The following CTSB variants were observed in gnomAD, a reference collection of about 807,000 sequenced individuals.
CTSB encodes the protein cathepsin B, also known as APP secretase.
In CTSB, 57 loss-of-function variants were observed where a neutral mutation model predicts 44.3. The observed-to-expected ratio is 1.29, with a 90% CI of 1.04 to 1.60. The LOEUF is 1.60. CTSB is among the 40% of genes most tolerant of loss of function. CTSB has a pLI of 0.00. For synonymous variants in CTSB, 320 were observed against 168.0 expected, an observed-to-expected ratio of 1.91 and a Z score of -7.00; for missense variants, 768 against 443.0, an observed-to-expected ratio of 1.73 and a Z score of -6.59.
At chr8:11,845,451 A>T (rs1813109381) in intron 9 of CTSB, among the ~76,000 whole-genome samples, 1 of 152,116 alleles carries the variant, frequency 6.6e-6, no homozygotes, top group Admixed American at 6.5e-5. Context: ...TGCTGTGGGA[A>T]CTGTTGCAGG....
At chr8:11,863,638 C>A (rs994688804) in intron 1 of CTSB, among the ~76,000 whole-genome samples, 1 of 152,132 alleles carries the variant, frequency 6.6e-6, no homozygotes, top group African/African-American at 2.4e-5. Flanking sequence ...ACATGCTTAG[C>A]GTTCTAATAA....
At chr8:11,865,114 A>G (rs1003033131) in intron 1 of CTSB, among the ~76,000 whole-genome samples, 2 of 152,282 alleles carry the variant, frequency 1.3e-5, no homozygotes, top group African/African-American at 4.8e-5. Context: ...GAGGCACAGC[A>G]CATCTGTACA....
intron 9 of CTSB, 116 bp from the exon 10 acceptor site, chr8:11,845,338 C>G (rs1220567575): frequency 2.6e-6 from 2 of 783,416 alleles, no homozygotes; most frequent in Admixed American, 4.2e-5. Context: ...TGTTGGCCCA[C>G]TAGCACAGTC....
At chr8:11,845,835 C>G (rs754971757) in intron 8 of CTSB, 46 bp from the exon 9 acceptor site, 2 of 1,563,598 alleles carry the variant, frequency 1.3e-6, no homozygotes, top group South Asian at 1.2e-5. Context: ...GCCACTGTCC[C>G]ACGCCCCACA....
At chr8:11,858,202 C>T (rs1489963337) in intron 1 of CTSB, among the ~76,000 whole-genome samples, 1 of 152,232 alleles carries the variant, frequency 6.6e-6, no homozygotes, top group Non-Finnish European at 1.5e-5. Flanking sequence ...CTGTTCCCTC[C>T]CTCTCTCCTC....
chr8:11,852,590 G>A lies in CTSB; in HGVS notation c.212+20C>T, dbSNP rs776466902. On this transcript the variant is annotated intron_variant, in intron 3 of 9. Coordinates refer to ENST00000353047, the MANE Select transcript of CTSB (RefSeq NM_001908.5). ...CGCCTGCCACTCACATTACAGCGGTGCAGAGGAGCAGGCACTCACCTCTGG... is the reference window on the plus strand; with the variant it reads ...CGCCTGCCACTCACATTACAGCGGTACAGAGGAGCAGGCACTCACCTCTGG... 4 of 1,593,738 alleles carry A rather than the reference G, an allele frequency of 2.5e-6. No homozygotes were observed. Among genetic ancestry groups the A allele is most frequent in the Middle Eastern group, 1.7e-4 (1 of 6,024 alleles).
At chr8:11,846,963 C>G (rs968580391) in intron 8 of CTSB, 89 bp downstream of exon 8, 8 of 749,282 alleles carry the variant, frequency 1.1e-5, no homozygotes, top group East Asian at 1.1e-4. Flanking sequence ...CCTGCCCAAT[C>G]CAGCCCTATT....
rs752849874 is a variant in CTSB, at chr8:11,845,151, T to C, written c.994A>G (p.Thr332Ala). The change falls in exon 10 of 10, where the codon ACC becomes GCC. Residue 332 changes from threonine to alanine, a missense_variant. Coordinates refer to ENST00000353047, the MANE Select transcript of CTSB (RefSeq NM_001908.5). ...ESEVVAGIPR[T>A]DQYWEKI The stretch of plus-strand genomic sequence containing the variant: ...TAGATCTTTTCCCAGTACTGATCGG[T>C]GCGTGGAATTCCAGCCACCACTTCT... The C allele has an allele frequency of 1.9e-5, 31 of 1,613,692 alleles. No homozygotes were observed. The highest frequency in any genetic ancestry group is 3.3e-5 in the South Asian group (3 of 91,078).
intron 1 of CTSB, among the ~76,000 whole-genome samples, chr8:11,859,651 C>G (rs956400844): frequency 1.4e-4 from 21 of 151,412 alleles, no homozygotes; most frequent in Middle Eastern, 3.4e-3. Flanking sequence ...GCCTGTAATC[C>G]CACCTACTTG....
intron 3 of CTSB, 97 bp downstream of exon 3, chr8:11,852,513 T>C: frequency 1.1e-6 from 1 of 875,480 alleles, no homozygotes; most frequent in Non-Finnish European, 1.8e-6. Context: ...GCATGAGCCC[T>C]GCGGACGCCA....
At chr8:11,856,842 C>A (rs1458510917) in intron 1 of CTSB, among the ~76,000 whole-genome samples, 1 of 136,442 alleles carries the variant, frequency 7.3e-6, no homozygotes, top group African/African-American at 2.7e-5. Flanking sequence ...TCACAACATA[C>A]CCTTACTTTT....
chr8:11,856,864 AAAAGT>A (rs1426622971), intron 1 of CTSB, among the ~76,000 whole-genome samples: 4 of 152,160 alleles, frequency 2.6e-5, no homozygotes, highest in Admixed American at 6.6e-5. Flanking sequence ...AGAAAAAAAA[AAAAGT>A]GAGTATGTTC....
At chr8:11,853,222 G>C (rs1331616872) in intron 2 of CTSB, 107 bp downstream of exon 2, 1 of 1,485,182 alleles carries the variant, frequency 6.7e-7, no homozygotes, top group African/African-American at 1.4e-5. Flanking sequence ...AACAGTCCAG[G>C]ACAATGTTCT....
At chr8:11,853,595 C>G (rs928271124) in intron 1 of CTSB, 116 bp from the exon 2 acceptor site, 1 of 1,059,360 alleles carries the variant, frequency 9.4e-7, no homozygotes, top group African/African-American at 1.7e-5. Context: ...CTGGCCCAGG[C>G]GGAGAACTCT....
At chr8:11,855,757 C>T (rs1011943069) in intron 1 of CTSB, among the ~76,000 whole-genome samples, 4 of 152,174 alleles carry the variant, frequency 2.6e-5, no homozygotes, top group African/African-American at 7.2e-5. Context: ...GTGGCTCAAG[C>T]TTGTAATCTC....
At chr8:11,853,244 T>G in intron 2 of CTSB, 85 bp downstream of exon 2, 3 of 1,550,566 alleles carry the variant, frequency 1.9e-6, no homozygotes, top group Non-Finnish European at 2.6e-6. Flanking sequence ...TGGGCCACAG[T>G]GAGGGCTGGC....
At chr8:11,863,275 A>C (rs892154009) in intron 1 of CTSB, among the ~76,000 whole-genome samples, 3 of 152,192 alleles carry the variant, frequency 2.0e-5, no homozygotes, top group African/African-American at 7.2e-5. Flanking sequence ...CCCGACAAAC[A>C]TAGTGACATC....
At chr8:11,859,958 G>A (rs1212873005) in intron 1 of CTSB, among the ~76,000 whole-genome samples, 1 of 149,642 alleles carries the variant, frequency 6.7e-6, no homozygotes, top group Non-Finnish European at 1.5e-5. Context: ...TGTAGTCCCA[G>A]CTACTCAGGA....
At chr8:11,864,218 C>G (rs1185959529) in intron 1 of CTSB, among the ~76,000 whole-genome samples, 3 of 150,970 alleles carry the variant, frequency 2.0e-5, no homozygotes, top group African/African-American at 4.9e-5. Context: ...CCTTGTAATC[C>G]CAGCATTTGG....
Sources: gnomAD v4.1 joint callset for allele counts (sites outside exome capture counted in the v4.1 genomes callset) on GRCh38, gnomAD v4.1.1 for gene constraint, MANE v1.5 for transcripts, NCBI Gene and HGNC (gene_info 2026-07-23, HGNC 2026-07-21) for gene names.